Variants in MTMR3 observed in about 807,000 individuals in gnomAD.
MTMR3 encodes myotubularin related protein 3, also known as phosphatidylinositol-3,5-bisphosphate 3-phosphatase MTMR3.
A neutral mutation model predicts 132.4 loss-of-function variants in MTMR3; 32 were observed. That is an observed-to-expected ratio of 0.24 (90% confidence interval 0.18 to 0.32). MTMR3 has a LOEUF of 0.32. Among genes scored for constraint, MTMR3 ranks in the 10% least tolerant of loss-of-function variants. The pLI, the probability that MTMR3 is intolerant of heterozygous loss-of-function variation, is 1.00. For synonymous variants in MTMR3, 556 were observed against 550.3 expected (o/e 1.01, Z -0.14); for missense variants, 1,216 against 1,489.6 (o/e 0.82, Z 3.02).
At chr22:30,013,564 C>CT in intron 14 of MTMR3, 23 bp downstream of exon 14, 2 of 1,608,608 alleles carry the variant, frequency 1.2e-6, no homozygotes, top group Non-Finnish European at 1.7e-6. Context: ...ATTTTGGGGA[C>CT]TTTCTCAATT....
chr22:29,919,848 TATTTTTCTAGG>T (rs2065376598), intron 1 of MTMR3, among the ~76,000 whole-genome samples: 1 of 152,126 alleles, frequency 6.6e-6, no homozygotes, highest in African/African-American at 2.4e-5. Flanking sequence ...CTTTAGGAAA[TATTTTTCTAGG>T]TTAAACTCAA....
At chr22:29,962,867 C>G (rs8138404) in intron 2 of MTMR3, among the ~76,000 whole-genome samples, 1 of 151,204 alleles carries the variant, frequency 6.6e-6, no homozygotes, top group East Asian at 1.9e-4. Context: ...GGTTCATTCA[C>G]GTTGAAGCAT....
chr22:29,939,060 G>T (rs1009068734), intron 1 of MTMR3, among the ~76,000 whole-genome samples: 6 of 152,024 alleles, frequency 3.9e-5, no homozygotes, highest in Admixed American at 3.9e-4. Context: ...GACCTCAAAT[G>T]ATATACCCGC....
intron 1 of MTMR3, among the ~76,000 whole-genome samples, chr22:29,936,807 A>T (rs747578987): frequency 1.3e-5 from 2 of 152,136 alleles, no homozygotes; most frequent in Non-Finnish European, 2.9e-5. Flanking sequence ...TCATATTCCC[A>T]AAGACTTTTT....
chr22:29,945,159 C>A (rs1218650596), intron 1 of MTMR3, among the ~76,000 whole-genome samples: 1 of 152,104 alleles, frequency 6.6e-6, no homozygotes, highest in African/African-American at 2.4e-5. Context: ...GCCACAGGCA[C>A]GTGCCATGAG....
chr22:29,988,624 T>C (rs2066902310), intron 6 of MTMR3, 62 bp downstream of exon 6: 4 of 1,267,138 alleles, frequency 3.2e-6, no homozygotes, highest in Non-Finnish European at 4.5e-6. Flanking sequence ...AAAGAATGGG[T>C]CCATTATTTG....
chr22:30,009,410 A>G (rs1004514563), intron 12 of MTMR3: 11 of 340,284 alleles, frequency 3.2e-5, no homozygotes, highest in Non-Finnish European at 4.9e-5. Flanking sequence ...CAGAAGCATT[A>G]CCTTACTGTT....
At chr22:29,949,498 G>GCCCC (rs1431891517) in intron 1 of MTMR3, among the ~76,000 whole-genome samples, 1 of 114,028 alleles carries the variant, frequency 8.8e-6, no homozygotes, top group African/African-American at 4.1e-5. Flanking sequence ...TCTGTCCCCC[G>GCCCC]CGCCCCCCCC....
intron 1 of MTMR3, among the ~76,000 whole-genome samples, chr22:29,885,839 G>C (rs1414062805): frequency 6.6e-6 from 1 of 152,214 alleles, no homozygotes; most frequent in Non-Finnish European, 1.5e-5. Context: ...AAAGTGGAAT[G>C]CTGTTACCAA....
Position 29,970,941 on chromosome 22 carries a change from T to C in MTMR3, c.-84-35T>C, listed in dbSNP as rs895681268. On this transcript the variant is annotated intron_variant, in intron 2 of 19. Coordinates refer to ENST00000401950, the MANE Select transcript of MTMR3 (RefSeq NM_021090.4). Reference sequence around the variant, plus strand: ...CAATTTTGCCTCCCCTCCTCTTTTTTTTTTCTTCTTCCCCCTCTTCCCCCC... The same window carrying C: ...CAATTTTGCCTCCCCTCCTCTTTTTCTTTTCTTCTTCCCCCTCTTCCCCCC... 7.7e-5 allele frequency: 60 copies of C among 781,678 alleles called. 2 individuals are homozygous for C. Among genetic ancestry groups the C allele is most frequent in the Admixed American group, 1.5e-4 (5 of 32,400 alleles). The allele number at this position is 781,678 out of a possible 1,614,324, so 48.4% of individuals were successfully genotyped here.
chr22:29,935,052 A>C (rs141271034), intron 1 of MTMR3, among the ~76,000 whole-genome samples: 26 of 152,318 alleles, frequency 1.7e-4, no homozygotes, highest in African/African-American at 6.3e-4. Context: ...TAAGAAATGG[A>C]TACTTCTGTA....
intron 1 of MTMR3, among the ~76,000 whole-genome samples, chr22:29,941,485 T>G (rs1052586152): frequency 2.0e-5 from 3 of 151,930 alleles, no homozygotes; most frequent in Non-Finnish European, 4.4e-5. Context: ...GTTGCCAAAC[T>G]GTCCTCCAAA....
intron 2 of MTMR3, among the ~76,000 whole-genome samples, chr22:29,969,343 A>G (rs1002404761): frequency 3.9e-5 from 6 of 152,050 alleles, no homozygotes; most frequent in South Asian, 2.1e-4. Context: ...CTCAAATCCT[A>G]TGGGCAGTAT....
chr22:29,979,211 G>C, intron 5 of MTMR3, 159 bp downstream of exon 5: 1 of 547,668 alleles, frequency 1.8e-6, no homozygotes, highest in East Asian at 3.4e-5. Context: ...ACACTGGCTT[G>C]GCCAGGCGCG....
rs368241498 is a variant in MTMR3 at position 29,906,242 on chromosome 22, A to G, written c.-138+22883A>G. Among the ~76,000 whole-genome samples the G allele has an allele frequency of 3.6e-3, 451 of 125,026 alleles. 1 individual carries two copies. Among genetic ancestry groups the G allele is most frequent in the East Asian group, 0.022 (73 of 3,264 alleles). The allele number at this position is 125,026 out of a possible 152,430, so 82.0% of individuals were successfully genotyped here. On this transcript the variant is annotated intron_variant, in intron 1 of 19. Coordinates refer to ENST00000401950, the MANE Select transcript of MTMR3 (RefSeq NM_021090.4). ...ATATTTGTCTCACATTTATCCATCC[A>G]TCCGTCTGTCTGTCTGTCTGTCTGT... is the stretch of plus-strand genomic sequence containing the variant.
intron 5 of MTMR3, chr22:29,986,307 G>T (rs542683260): frequency 6.6e-6 from 1 of 152,518 alleles, no homozygotes; most frequent in South Asian, 2.1e-4. Flanking sequence ...TGCCAGTCTG[G>T]CAGCCACATT....
chr22:30,015,376 T>A (rs1469625129), intron 14 of MTMR3: 2 of 151,984 alleles, frequency 1.3e-5, no homozygotes, highest in Non-Finnish European at 2.9e-5. Context: ...TGATTCTTGA[T>A]TCCTGTGTTT....
intron 12 of MTMR3, chr22:30,010,154 C>G (rs921179503): frequency 6.6e-6 from 1 of 152,158 alleles, no homozygotes; most frequent in African/African-American, 2.4e-5. Context: ...GCGCTTTCTT[C>G]CCTAGGGTGG....
At chr22:29,991,711 C>T (rs1341258956) in intron 7 of MTMR3, 41 bp downstream of exon 7, 3 of 1,515,944 alleles carry the variant, frequency 2.0e-6, no homozygotes, top group African/African-American at 2.8e-5. Flanking sequence ...GGGGCTTTAT[C>T]AAGCTACTGA....
Sources: allele counts gnomAD v4.1 joint callset (sites outside exome capture counted in the v4.1 genomes callset), GRCh38; gene constraint gnomAD v4.1.1; transcripts MANE v1.5; gene names NCBI Gene and HGNC (gene_info 2026-07-23, HGNC 2026-07-21).